Variants in GLIS3 observed in about 807,000 individuals in gnomAD.
The protein encoded by GLIS3 is GLIS family zinc finger 3, also known as zinc finger protein GLIS3.
A neutral mutation model predicts 78.6 loss-of-function variants in GLIS3; 53 were observed. The observed-to-expected ratio is 0.67, with a 90% CI of 0.54 to 0.85. GLIS3 has a LOEUF of 0.85. Ranked by LOEUF, GLIS3 falls within the 40% of genes least tolerant of loss-of-function variation. The pLI is 0.00. For missense variants in GLIS3, 1,703 were observed against 1,231.1 expected, an observed-to-expected ratio of 1.38 and a Z score of -5.74; for synonymous variants, 684 against 509.9, an observed-to-expected ratio of 1.34 and a Z score of -4.60.
intron 4 of GLIS3, among the ~76,000 whole-genome samples, chr9:3,957,499 C>G (rs954243015): frequency 3.3e-5 from 5 of 152,208 alleles, no homozygotes; most frequent in Non-Finnish European, 7.3e-5. Flanking sequence ...ATATTGCAGA[C>G]TTGTCAACCA....
rs1305176556 is a variant in GLIS3, at chr9:4,075,997, A to AT, written c.1710+41770_1710+41771insA. ...TGCAAAGGAACACCTCACGAAGAAA[A>AT]AATTAGTACTTTGTGAGGTGATGGA... On this transcript the variant is annotated intron_variant, in intron 4 of 10. Transcript: ENST00000381971. Among the ~76,000 whole-genome samples, 6 of 152,312 alleles carry AT rather than the reference A, an allele frequency of 3.9e-5. No homozygotes were observed. The East Asian group carries it at 1.2e-3, about 29-fold the overall frequency.
At chr9:4,031,864 T>C (rs556501806) in intron 4 of GLIS3, among the ~76,000 whole-genome samples, 11 of 152,350 alleles carry the variant, frequency 7.2e-5, no homozygotes, top group African/African-American at 2.4e-4. Flanking sequence ...TAAATCCTCT[T>C]CTTTAAATAA....
chr9:4,048,850 C>G (rs1197133570), intron 4 of GLIS3, among the ~76,000 whole-genome samples: 1 of 152,192 alleles, frequency 6.6e-6, no homozygotes, highest in Non-Finnish European at 1.5e-5. Flanking sequence ...AACATTTGAG[C>G]GCTTTTCTAG....
At chr9:4,026,628 AC>A (rs1823371084) in intron 4 of GLIS3, among the ~76,000 whole-genome samples, 1 of 152,210 alleles carries the variant, frequency 6.6e-6, no homozygotes, top group Non-Finnish European at 1.5e-5. Context: ...TCAATAAAAC[AC>A]AGATCATTTT....
At chr9:3,913,301 G>A (rs1268945605) in intron 6 of GLIS3, among the ~76,000 whole-genome samples, 1 of 152,164 alleles carries the variant, frequency 6.6e-6, no homozygotes, top group Non-Finnish European at 1.5e-5. Context: ...TCGTTTCAAT[G>A]GAGAGCACTT....
At chr9:4,306,838 C>G (rs561451877) in intron 4 of GLIS3, among the ~76,000 whole-genome samples, 64 of 152,344 alleles carry the variant, frequency 4.2e-4, no homozygotes, top group Non-Finnish European at 8.5e-4. Context: ...ATAGATACCC[C>G]TTGCTGATAT....
At chr9:4,463,680 G>C in the GLIS3 span, among the ~76,000 whole-genome samples, 4 of 152,220 alleles carry the variant, frequency 2.6e-5, no homozygotes, top group South Asian at 8.3e-4. Flanking sequence ...AAAAATATTG[G>C]GGAAAACAGA....
chr9:3,845,813 C>T (rs942214202), intron 9 of GLIS3, among the ~76,000 whole-genome samples: 1 of 152,200 alleles, frequency 6.6e-6, no homozygotes, highest in African/African-American at 2.4e-5. Context: ...TCTCCCCTCC[C>T]CATGGGGACA....
At chr9:4,438,775 G>A in the GLIS3 span, among the ~76,000 whole-genome samples, 5 of 152,112 alleles carry the variant, frequency 3.3e-5, no homozygotes, top group East Asian at 1.9e-4. Context: ...CTTGCCTGCC[G>A]CCATGTAGGA....
the GLIS3 span, among the ~76,000 whole-genome samples, chr9:4,412,594 G>A: frequency 2.6e-5 from 4 of 152,138 alleles, no homozygotes; most frequent in Non-Finnish European, 4.4e-5. Flanking sequence ...ATGGTATTTG[G>A]CACTGGGTGA....
the GLIS3 span, among the ~76,000 whole-genome samples, chr9:4,448,213 C>T: frequency 6.6e-6 from 1 of 152,212 alleles, no homozygotes; most frequent in African/African-American, 2.4e-5. Flanking sequence ...CGGTTCTTTG[C>T]TAACTCCCCA....
intron 2 of GLIS3, among the ~76,000 whole-genome samples, chr9:4,153,064 C>A (rs1834799331): frequency 6.6e-6 from 1 of 152,114 alleles, no homozygotes; most frequent in African/African-American, 2.4e-5. Flanking sequence ...GCCTCTTACC[C>A]ACTAGATGCC....
At chr9:4,253,742 A>T (rs1824634015) in intron 2 of GLIS3, among the ~76,000 whole-genome samples, 1 of 152,176 alleles carries the variant, frequency 6.6e-6, no homozygotes, top group Non-Finnish European at 1.5e-5. Context: ...TGGTGTAGGC[A>T]TCCAAGGGAA....
At chr9:4,042,564 A>G (rs1824910004) in intron 4 of GLIS3, among the ~76,000 whole-genome samples, 1 of 152,190 alleles carries the variant, frequency 6.6e-6, no homozygotes, top group South Asian at 2.1e-4. Context: ...AATCTTCTAC[A>G]TCCACTGTTC....
the GLIS3 span, among the ~76,000 whole-genome samples, chr9:4,475,570 G>C: frequency 7.2e-5 from 11 of 152,250 alleles, no homozygotes; most frequent in Middle Eastern, 3.4e-3. Context: ...CAGTGCAAAG[G>C]AATCAGGAAG....
chr9:4,256,097 G>C (rs1030611907), intron 2 of GLIS3, among the ~76,000 whole-genome samples: 2 of 151,928 alleles, frequency 1.3e-5, no homozygotes, highest in Non-Finnish European at 2.9e-5. Flanking sequence ...AGTCATAAAG[G>C]TAAAATAACA....
the GLIS3 span, among the ~76,000 whole-genome samples, chr9:4,472,506 G>T: frequency 1.3e-5 from 2 of 149,694 alleles, no homozygotes; most frequent in African/African-American, 4.9e-5. Context: ...CTATCACAAG[G>T]ACAGAAAAAC....
chr9:4,351,295 G>A (rs866862205), upstream of GLIS3, among the ~76,000 whole-genome samples: 66 of 151,394 alleles, frequency 4.4e-4, no homozygotes, highest in African/African-American at 1.5e-3. Context: ...GTCCCAATAA[G>A]CTGGGAGGCT....
At chr9:4,481,176 T>A in the GLIS3 span, among the ~76,000 whole-genome samples, 2 of 151,976 alleles carry the variant, frequency 1.3e-5, no homozygotes, top group East Asian at 3.9e-4. Flanking sequence ...TTTTATAACT[T>A]ACTTTTGCAT....
Sources: gnomAD v4.1 joint callset for allele counts (sites outside exome capture counted in the v4.1 genomes callset) on GRCh38, gnomAD v4.1.1 for gene constraint, MANE v1.5 for transcripts, NCBI Gene and HGNC (gene_info 2026-07-23, HGNC 2026-07-21) for gene names.